FRG1: variants seen among roughly 807,000 people sequenced by gnomAD.
FRG1 encodes the protein FSHD region gene 1, also known as protein FRG1.
FRG1 carries 19 observed loss-of-function variants against 37.0 expected under a neutral mutation model. The observed-to-expected ratio is 0.51, with a 90% CI of 0.36 to 0.75. The LOEUF is 0.75. Among genes scored for constraint, FRG1 ranks in the 30% least tolerant of loss-of-function variants. The probability of loss-of-function intolerance (pLI) is 0.00; values close to 1 mark genes in which losing one functional copy is unlikely to be tolerated. For missense variants in FRG1, 243 were observed against 301.4 expected, an observed-to-expected ratio of 0.81 and a Z score of 1.44; for synonymous variants, 73 against 96.5, an observed-to-expected ratio of 0.76 and a Z score of 1.43.
chr4:189,944,655 C>T (rs1736452547), intron 2 of FRG1, among the ~76,000 whole-genome samples: 1 of 151,914 alleles, frequency 6.6e-6, no homozygotes, highest in Non-Finnish European at 1.5e-5. Flanking sequence ...GTGCCAGCAC[C>T]ACTGGTGTTT....
At chr4:189,946,173 T>C (rs1736518254) in intron 2 of FRG1, among the ~76,000 whole-genome samples, 1 of 152,190 alleles carries the variant, frequency 6.6e-6, no homozygotes, top group Non-Finnish European at 1.5e-5. Context: ...CTCAATTCTT[T>C]ACAAGATCAT....
intron 2 of FRG1, among the ~76,000 whole-genome samples, chr4:189,951,216 G>A (rs1220429199): frequency 2.6e-5 from 4 of 152,060 alleles, no homozygotes; most frequent in African/African-American, 7.2e-5. Context: ...CTGGCCAGGC[G>A]CGGTGGCTCA....
chr4:189,947,269 G>A (rs1736572094), intron 2 of FRG1, among the ~76,000 whole-genome samples: 1 of 152,182 alleles, frequency 6.6e-6, no homozygotes, highest in Admixed American at 6.5e-5. Context: ...ATCTCCAGCG[G>A]TAATTCTAGA....
At chr4:189,960,700 G>C (rs8180296) in intron 6 of FRG1, 48 bp from the exon 7 acceptor site, 20 of 1,435,670 alleles carry the variant, frequency 1.4e-5, no homozygotes, top group Middle Eastern at 2.6e-4. Context: ...AGTGGGGAAG[G>C]TGGAAGATAA....
chr4:189,958,203 A>G (rs1171943864), intron 6 of FRG1, among the ~76,000 whole-genome samples: 1 of 152,186 alleles, frequency 6.6e-6, no homozygotes, highest in Non-Finnish European at 1.5e-5. Context: ...AGTCTTTTAT[A>G]GATGGAAATT....
At position 189,954,842 on chromosome 4, in the gene FRG1, C is replaced by T. The variant is rs914635745; in HGVS notation, c.318-195C>T. Reference sequence around the variant, plus strand: ...AACTTCTTGCCTCAAGCAATTCTCCCGTTGGCTTCCCAAAGCACAGAGATT... The same window carrying T: ...AACTTCTTGCCTCAAGCAATTCTCCTGTTGGCTTCCCAAAGCACAGAGATT... On this transcript the variant is annotated intron_variant, in intron 4 of 8. Coordinates refer to ENST00000226798, the MANE Select transcript of FRG1 (RefSeq NM_004477.3). Among the ~76,000 whole-genome samples the T allele has an allele frequency of 5.3e-5, 8 of 152,172 alleles. No individual in the cohort carries two copies. The East Asian group carries it at 5.8e-4, about 11-fold the overall frequency.
At chr4:189,952,096 TAACA>T (rs1736778100) in intron 2 of FRG1, 62 bp from the exon 3 acceptor site, 1 of 1,179,354 alleles carries the variant, frequency 8.5e-7, no homozygotes, top group Non-Finnish European at 1.2e-6. Flanking sequence ...TAAGTTATAA[TAACA>T]AAAAAAAGAA....
At chr4:189,953,361 A>T (rs1429895201) in intron 4 of FRG1, among the ~76,000 whole-genome samples, 1 of 152,140 alleles carries the variant, frequency 6.6e-6, no homozygotes, top group Non-Finnish European at 1.5e-5. Context: ...CACATACCGA[A>T]TAAGATAGAT....
At chr4:189,953,737 T>G (rs1736861074) in intron 4 of FRG1, among the ~76,000 whole-genome samples, 1 of 151,904 alleles carries the variant, frequency 6.6e-6, no homozygotes, top group Non-Finnish European at 1.5e-5. Flanking sequence ...CAGGAGATTC[T>G]CGGTAAGGTA....
chr4:189,946,309 G>GT (rs1206154993), intron 2 of FRG1, among the ~76,000 whole-genome samples: 5 of 80,660 alleles, frequency 6.2e-5, no homozygotes, highest in African/African-American at 2.2e-4. Context: ...AAGCTGATAA[G>GT]CCAAAAAAAA....
intron 2 of FRG1, among the ~76,000 whole-genome samples, chr4:189,948,376 C>A (rs1233472254): frequency 3.3e-5 from 5 of 152,286 alleles, no homozygotes; most frequent in Non-Finnish European, 5.9e-5. Context: ...GTTGGACTTA[C>A]AACATCGTAC....
chr4:189,943,620 T>C (rs183055434), intron 2 of FRG1, among the ~76,000 whole-genome samples: 1 of 152,332 alleles, frequency 6.6e-6, no homozygotes, highest in East Asian at 1.9e-4. Flanking sequence ...ATTTTAATTG[T>C]AGAAGTCGGT....
intron 5 of FRG1, 143 bp from the exon 6 acceptor site, chr4:189,957,255 C>G (rs1436137679): frequency 8.8e-7 from 1 of 1,140,428 alleles, no homozygotes; most frequent in Non-Finnish European, 1.2e-6. Flanking sequence ...TCTATATGTT[C>G]TTGTATTATA....
At position 189,963,120 on chromosome 4, in the gene FRG1, C is replaced by G. The variant is rs568568689; in HGVS notation, c.768C>G (p.Tyr256Ter). Residue 256 changes from tyrosine to a stop codon, truncating the protein, a stop_gained, in exon 9 of 9, where the codon TAC (tyrosine) becomes TAG (stop). Transcript: ENST00000226798. LOFTEE classifies it high-confidence loss of function. ...DRRAKLKADR[Y>*]CK ...GAGCCAAATTGAAAGCCGACAGATACTGCAAGTGACTGGGATTTTTGTTTC... is the reference window on the plus strand; with the variant it reads ...GAGCCAAATTGAAAGCCGACAGATAGTGCAAGTGACTGGGATTTTTGTTTC... The G allele has an allele frequency of 3.1e-6, 5 of 1,611,622 alleles. No individual in the cohort carries two copies. The South Asian group carries it at 5.5e-5, about 18-fold the overall frequency.
In FRG1 at chr4:189,940,950, C is replaced by T. The variant is rs1384077653; in HGVS notation, c.-60C>T. The T allele has an allele frequency of 1.7e-5, 24 of 1,391,744 alleles. No homozygotes were observed. Among genetic ancestry groups the T allele is most frequent in the Admixed American group, 1.7e-4 (10 of 58,786 alleles). 86.2% of individuals were successfully genotyped at this position (1,391,744 alleles called of 1,614,324 possible). A position where few individuals can be genotyped will look rare whatever the true frequency, so the allele number is the denominator to read the frequency against. ...GTTTCTCCGCGCCCCTGTGCTGCCCCGACTCACATACTCGTCCAGAACCGG... is the reference window on the plus strand; with the variant it reads ...GTTTCTCCGCGCCCCTGTGCTGCCCTGACTCACATACTCGTCCAGAACCGG... On this transcript the variant is annotated 5_prime_UTR_variant, in exon 1 of 9. Transcript: ENST00000226798.
At chr4:189,948,250 T>C (rs1736611215) in intron 2 of FRG1, among the ~76,000 whole-genome samples, 1 of 152,214 alleles carries the variant, frequency 6.6e-6, no homozygotes, top group South Asian at 2.1e-4. Context: ...AAGGGATTGG[T>C]AAATAGGATG....
At chr4:189,952,574 G>A (rs1344174844) in intron 3 of FRG1, among the ~76,000 whole-genome samples, 1 of 152,146 alleles carries the variant, frequency 6.6e-6, no homozygotes, top group Non-Finnish European at 1.5e-5. Flanking sequence ...AAACCTATTT[G>A]AGTCAAAATG....
intron 1 of FRG1, among the ~76,000 whole-genome samples, chr4:189,941,436 C>T (rs1032134105): frequency 6.6e-6 from 1 of 152,146 alleles, no homozygotes; most frequent in South Asian, 2.1e-4. Context: ...TCCATTGTCT[C>T]TTTTCTTTCT....
intron 2 of FRG1, among the ~76,000 whole-genome samples, chr4:189,950,487 C>T (rs1165993124): frequency 6.6e-6 from 1 of 152,082 alleles, no homozygotes; most frequent in African/African-American, 2.4e-5. Context: ...TAAAAGTTTT[C>T]TAACTTTAGC....
Sources: allele counts gnomAD v4.1 joint callset (sites outside exome capture counted in the v4.1 genomes callset), GRCh38; gene constraint gnomAD v4.1.1; transcripts MANE v1.5; gene names NCBI Gene and HGNC (gene_info 2026-07-23, HGNC 2026-07-21).